Variants in TCF4 observed in about 807,000 individuals in gnomAD.
TCF4 encodes the protein SL3-3 enhancer factor 2.
TCF4 carries 3 observed loss-of-function variants against 82.1 expected under a neutral mutation model. The observed-to-expected ratio is 0.04, with a 90% CI of 0.02 to 0.09. The LOEUF (loss-of-function observed/expected upper bound fraction) is 0.09. TCF4 is among the 10% of genes least tolerant of loss of function. The probability of loss-of-function intolerance (pLI) is 1.00; values close to 1 mark genes in which losing one functional copy is unlikely to be tolerated. For synonymous variants in TCF4, 276 were observed against 309.6 expected, an observed-to-expected ratio of 0.89 and a Z score of 1.14; for missense variants, 518 against 852.7, an observed-to-expected ratio of 0.61 and a Z score of 4.89.
intron 5 of TCF4, among the ~76,000 whole-genome samples, chr18:55,449,302 A>C (rs1039464381): frequency 3.9e-5 from 6 of 152,210 alleles, no homozygotes; most frequent in Admixed American, 2.6e-4. Flanking sequence ...ACTGCATCTC[A>C]ATTTCCAAAT....
intron 3 of TCF4, among the ~76,000 whole-genome samples, chr18:55,521,142 C>G (rs2096929647): frequency 6.6e-6 from 1 of 152,110 alleles, no homozygotes; most frequent in South Asian, 2.1e-4. Flanking sequence ...AGCTGTCTAA[C>G]AATTTTCCCC....
At chr18:55,228,446 C>T in intron 18 of TCF4, 85 bp from the exon 19 acceptor site, 4 of 1,563,630 alleles carry the variant, frequency 2.6e-6, no homozygotes, top group Non-Finnish European at 3.5e-6. Flanking sequence ...GCGTGTCTGA[C>T]CTTTTTCTCA....
At chr18:55,401,540 T>A (rs1254004638) in intron 6 of TCF4, 2 of 989,418 alleles carry the variant, frequency 2.0e-6, no homozygotes, top group Non-Finnish European at 1.2e-6. Context: ...TGCCAATCCA[T>A]CCACCTCTCT....
intron 6 of TCF4, among the ~76,000 whole-genome samples, chr18:55,352,613 T>C (rs2082547299): frequency 6.6e-6 from 1 of 152,164 alleles, no homozygotes; most frequent in South Asian, 2.1e-4. Flanking sequence ...ATTTATCAGA[T>C]AAAAATCTGA....
intron 3 of TCF4, among the ~76,000 whole-genome samples, chr18:55,484,620 A>C (rs2958184): frequency 0.23 from 34,633 of 152,212 alleles, 4,354 homozygotes; most frequent in Non-Finnish European, 0.28. Flanking sequence ...CGGGCCTTGG[A>C]AACCAGTCCT....
intron 8 of TCF4, among the ~76,000 whole-genome samples, chr18:55,323,623 C>T (rs1003646173): frequency 2.0e-5 from 3 of 152,086 alleles, no homozygotes; most frequent in Non-Finnish European, 2.9e-5. Flanking sequence ...GGATTTTTTC[C>T]TCATTAGAAC....
At chr18:55,449,262 G>A (rs1047310740) in intron 5 of TCF4, among the ~76,000 whole-genome samples, 13 of 151,836 alleles carry the variant, frequency 8.6e-5, no homozygotes, top group African/African-American at 2.4e-4. Context: ...CTACTGAGGC[G>A]GTCTGCCAAG....
At chr18:55,361,028 T>A (rs1486543018) in intron 6 of TCF4, among the ~76,000 whole-genome samples, 5 of 152,104 alleles carry the variant, frequency 3.3e-5, no homozygotes, top group Non-Finnish European at 2.9e-5. Context: ...CCTGGCCTGC[T>A]AACCCCTTTT....
At chr18:55,372,656 C>CA (rs200639652) in intron 6 of TCF4, among the ~76,000 whole-genome samples, 4,044 of 151,754 alleles carry the variant, frequency 0.027, 200 homozygotes, top group African/African-American at 0.092. Context: ...CAAATCAACC[C>CA]AAAAAAACCC....
chr18:55,446,542 T>C (rs1329259844), intron 5 of TCF4, among the ~76,000 whole-genome samples: 1 of 152,182 alleles, frequency 6.6e-6, no homozygotes, highest in Non-Finnish European at 1.5e-5. Flanking sequence ...TACACAACAC[T>C]GGGCAAATAA....
intron 3 of TCF4, among the ~76,000 whole-genome samples, chr18:55,572,728 T>C (rs1403616553): frequency 6.6e-6 from 1 of 152,126 alleles, no homozygotes; most frequent in Non-Finnish European, 1.5e-5. Flanking sequence ...ACCATCATAA[T>C]GTTTACTGCT....
intron 5 of TCF4, among the ~76,000 whole-genome samples, chr18:55,431,575 C>T (rs79656602): frequency 0.033 from 4,974 of 152,250 alleles, 265 homozygotes; most frequent in African/African-American, 0.11. Flanking sequence ...CCACCGTGGC[C>T]GGCCTCCACT....
intron 15 of TCF4, among the ~76,000 whole-genome samples, chr18:55,251,732 A>G (rs1196004153): frequency 6.6e-6 from 1 of 152,106 alleles, no homozygotes; most frequent in African/African-American, 2.4e-5. Flanking sequence ...CAGAACAACA[A>G]ACGAAGGTGT....
intron 5 of TCF4, among the ~76,000 whole-genome samples, chr18:55,450,893 A>ACACC (rs1298021408): frequency 2.6e-5 from 4 of 152,190 alleles, no homozygotes; most frequent in Admixed American, 1.3e-4. Flanking sequence ...CTCAAACACC[A>ACACC]CACCAGGGTG....
rs144033370 is a variant in TCF4, at chr18:55,228,493, G to A, written c.1880-132C>T. 22,343 of 1,271,966 alleles carry A rather than the reference G, an allele frequency of 0.018. 237 individuals are homozygous for A. Among genetic ancestry groups the A allele is most frequent in the Non-Finnish European group, 0.022 (20,058 of 892,654 alleles). 78.8% of individuals were successfully genotyped at this position (1,271,966 alleles called of 1,614,324 possible). ...ACAGAACAAAAGGAACAGTTACTAA[G>A]TACTGTGGCAATCCATTTGGTCAGT... is the stretch of plus-strand genomic sequence containing the variant. On this transcript the variant is annotated intron_variant, in intron 18 of 19. Coordinates refer to ENST00000354452, the MANE Select transcript of TCF4 (RefSeq NM_001083962.2).
At chr18:55,361,527 A>G (rs1410424976) in intron 6 of TCF4, among the ~76,000 whole-genome samples, 1 of 152,174 alleles carries the variant, frequency 6.6e-6, no homozygotes, top group Non-Finnish European at 1.5e-5. Flanking sequence ...CTCTTCCTGG[A>G]AGACCCTTTC....
chr18:55,427,865 AG>A (rs1235442850), intron 5 of TCF4, among the ~76,000 whole-genome samples: 1 of 152,254 alleles, frequency 6.6e-6, no homozygotes, highest in East Asian at 1.9e-4. Context: ...GTTCATCATG[AG>A]AACCAATGAT....
At chr18:55,329,540 A>AT (rs1160164873) in intron 8 of TCF4, among the ~76,000 whole-genome samples, 1 of 152,246 alleles carries the variant, frequency 6.6e-6, no homozygotes, top group Non-Finnish European at 1.5e-5. Context: ...ATAAACTTTT[A>AT]TTGAGCATAA....
intron 2 of TCF4, among the ~76,000 whole-genome samples, chr18:55,597,348 C>T (rs771206598): frequency 3.9e-5 from 6 of 152,136 alleles, no homozygotes; most frequent in Non-Finnish European, 8.8e-5. Flanking sequence ...TCTATTTCTT[C>T]TCAAACTGCA....
Sources: allele counts gnomAD v4.1 joint callset (sites outside exome capture counted in the v4.1 genomes callset), GRCh38; gene constraint gnomAD v4.1.1; transcripts MANE v1.5; gene names NCBI Gene and HGNC (gene_info 2026-07-23, HGNC 2026-07-21).